CYP4X1: variants seen among roughly 807,000 people sequenced by gnomAD.
The protein encoded by CYP4X1 is cytochrome P450 family 4 subfamily X member 1.
CYP4X1 carries 44 observed loss-of-function variants against 57.9 expected under a neutral mutation model. That is an observed-to-expected ratio of 0.76 (90% CI 0.60 to 0.98). The LOEUF is 0.98. Ranked by LOEUF, CYP4X1 falls within the 50% of genes least tolerant of loss-of-function variation. The pLI is 0.00. For synonymous variants in CYP4X1, 227 were observed against 228.6 expected (o/e 0.99, Z 0.06); for missense variants, 532 against 623.9 (o/e 0.85, Z 1.57).
chr1:46,964,290 G>A, the CYP4X1 span, among the ~76,000 whole-genome samples: 32 of 152,344 alleles, frequency 2.1e-4, no homozygotes, highest in South Asian at 3.7e-3. Flanking sequence ...GTGAGAAGCT[G>A]CGTTCCTTTG....
the CYP4X1 span, among the ~76,000 whole-genome samples, chr1:46,989,729 ACCT>A: frequency 2.0e-5 from 3 of 152,112 alleles, no homozygotes; most frequent in African/African-American, 7.2e-5. Flanking sequence ...CAGAATAGAG[ACCT>A]CAGAAATAAC....
At chr1:47,051,176 A>G (rs547147493), downstream of CYP4X1, among the ~76,000 whole-genome samples, 15 of 152,190 alleles carry the variant, frequency 9.9e-5, no homozygotes, top group Non-Finnish European at 2.1e-4. Context: ...CAAAACCACA[A>G]TGAGATACCA....
intron 3 of CYP4X1, 67 bp from the exon 4 acceptor site, chr1:47,033,174 G>C: frequency 6.4e-7 from 1 of 1,562,000 alleles, no homozygotes; most frequent in Non-Finnish European, 8.7e-7. Context: ...CGCTGCCTGT[G>C]TTCCTCATCT....
chr1:47,015,713 A>G, the CYP4X1 span, among the ~76,000 whole-genome samples: 1 of 152,188 alleles, frequency 6.6e-6, no homozygotes, highest in Admixed American at 6.5e-5. Context: ...TGGTAGCACC[A>G]CTGTACTCCA....
chr1:47,035,054 AT>A, intron 4 of CYP4X1, among the ~76,000 whole-genome samples: 1 of 151,162 alleles, frequency 6.6e-6, no homozygotes, highest in East Asian at 2.0e-4. Context: ...AGTCTCTGAA[AT>A]TTTAAAAGTT....
At chr1:47,053,600 G>A (rs1263073324), downstream of CYP4X1, among the ~76,000 whole-genome samples, 2 of 152,166 alleles carry the variant, frequency 1.3e-5, no homozygotes, top group Non-Finnish European at 2.9e-5. Context: ...ACTTTTTAAT[G>A]ATCGCCATTC....
the CYP4X1 span, among the ~76,000 whole-genome samples, chr1:46,999,408 G>C: frequency 6.6e-6 from 1 of 152,064 alleles, no homozygotes; most frequent in Non-Finnish European, 1.5e-5. Flanking sequence ...TGTGTTATCA[G>C]TTGTAATGTT....
chr1:46,973,245 A>G, the CYP4X1 span, among the ~76,000 whole-genome samples: 2 of 152,050 alleles, frequency 1.3e-5, no homozygotes, highest in Non-Finnish European at 2.9e-5. Flanking sequence ...GTTTGTATGT[A>G]TTGAACCACT....
At chr1:46,968,107 G>A in the CYP4X1 span, among the ~76,000 whole-genome samples, 14 of 152,154 alleles carry the variant, frequency 9.2e-5, no homozygotes, top group African/African-American at 3.4e-4. Flanking sequence ...AGATGGGTGG[G>A]CAGGGGAGTC....
the CYP4X1 span, among the ~76,000 whole-genome samples, chr1:46,964,756 T>C: frequency 6.6e-6 from 1 of 152,212 alleles, no homozygotes; most frequent in Non-Finnish European, 1.5e-5. Context: ...ACCACTACTC[T>C]CTTCAAAGAT....
At chr1:47,054,965 G>A (rs1644384360), downstream of CYP4X1, among the ~76,000 whole-genome samples, 1 of 152,176 alleles carries the variant, frequency 6.6e-6, no homozygotes, top group South Asian at 2.1e-4. Context: ...TGTTGAATAG[G>A]AGTGGTGAGA....
the CYP4X1 span, among the ~76,000 whole-genome samples, chr1:46,964,258 G>A: frequency 1.2e-4 from 19 of 152,122 alleles, no homozygotes; most frequent in African/African-American, 1.4e-4. Flanking sequence ...GTCATTCTCC[G>A]TCCATCTTTG....
chr1:47,035,956 A>G, intron 5 of CYP4X1, 23 bp downstream of exon 5: 1 of 1,612,238 alleles, frequency 6.2e-7, no homozygotes, highest in Non-Finnish European at 8.5e-7. Flanking sequence ...AGAGCAAAAA[A>G]GATATTTCTT....
the CYP4X1 span, among the ~76,000 whole-genome samples, chr1:46,970,830 T>C: frequency 6.6e-6 from 1 of 152,240 alleles, no homozygotes; most frequent in Admixed American, 6.5e-5. Context: ...CTTACAGTTT[T>C]CCTAATTTTC....
At chr1:47,012,236 A>T in the CYP4X1 span, among the ~76,000 whole-genome samples, 1 of 152,200 alleles carries the variant, frequency 6.6e-6, no homozygotes, top group Non-Finnish European at 1.5e-5. Flanking sequence ...GCCATAAAAA[A>T]GATGAGTTCA....
the CYP4X1 span, chr1:46,994,341 G>C: frequency 6.6e-6 from 1 of 152,290 alleles, no homozygotes; most frequent in Non-Finnish European, 1.5e-5. Flanking sequence ...TAGCCTTGTA[G>C]TATACTTTAT....
At chr1:47,040,100 C>T (rs1016317066) in intron 8 of CYP4X1, among the ~76,000 whole-genome samples, 16 of 152,062 alleles carry the variant, frequency 1.1e-4, no homozygotes, top group East Asian at 3.8e-4. Flanking sequence ...GCCCTGTCTT[C>T]GGTGAGCTAA....
At chr1:47,044,294 T>C (rs1644277463) in intron 8 of CYP4X1, among the ~76,000 whole-genome samples, 1 of 152,332 alleles carries the variant, frequency 6.6e-6, no homozygotes. Context: ...GAGGGTTACA[T>C]AAAGCATAGT....
the CYP4X1 span, among the ~76,000 whole-genome samples, chr1:46,972,842 T>G: frequency 6.6e-6 from 1 of 152,150 alleles, no homozygotes; most frequent in Admixed American, 6.5e-5. Context: ...ACAGAGAGTA[T>G]GGAATTTTCT....
Sources: gnomAD v4.1 joint callset for allele counts (sites outside exome capture counted in the v4.1 genomes callset) on GRCh38, gnomAD v4.1.1 for gene constraint, MANE v1.5 for transcripts, NCBI Gene and HGNC (gene_info 2026-07-23, HGNC 2026-07-21) for gene names.